Variants in SPTBN4 observed in about 807,000 individuals in gnomAD.
SPTBN4 encodes spectrin beta chain, non-erythrocytic 4.
A neutral mutation model predicts 277.8 loss-of-function variants in SPTBN4; 96 were observed. That is an observed-to-expected ratio of 0.35 (90% CI 0.29 to 0.41). The LOEUF (loss-of-function observed/expected upper bound fraction) is 0.41, where lower values mean the gene tolerates loss of function less well. Among genes scored for constraint, SPTBN4 ranks in the 10% least tolerant of loss-of-function variants. The pLI, the probability that SPTBN4 is intolerant of heterozygous loss-of-function variation, is 1.00. For missense variants in SPTBN4, 3,006 were observed against 3,595.7 expected (o/e 0.84, Z 4.19); for synonymous variants, 1,481 against 1,580.3 (o/e 0.94, Z 1.49).
intron 1 of SPTBN4, among the ~76,000 whole-genome samples, 161 bp downstream of exon 1, chr19:40,467,466 G>A (rs1044363981): frequency 3.3e-5 from 5 of 152,154 alleles, no homozygotes; most frequent in African/African-American, 1.2e-4. Flanking sequence ...CCCCCACCCG[G>A]TCTAGCTTCC....
At chr19:40,513,880 C>T (rs923695250) in intron 14 of SPTBN4, among the ~76,000 whole-genome samples, 1 of 152,180 alleles carries the variant, frequency 6.6e-6, no homozygotes, top group African/African-American at 2.4e-5. Context: ...GGCTTACATT[C>T]GCCAAGCATG....
In SPTBN4 at chr19:40,565,652, C is replaced by T; in HGVS notation, c.6055-9C>T. 2 of 1,556,846 alleles carry T rather than the reference C, an allele frequency of 1.3e-6. No homozygotes were observed. The highest frequency in any genetic ancestry group is 1.7e-6 in the Non-Finnish European group (2 of 1,149,674). On this transcript the variant is annotated splice_polypyrimidine_tract_variant and intron_variant, in intron 28 of 35. Coordinates refer to ENST00000598249, the MANE Select transcript of SPTBN4 (RefSeq NM_020971.3). The stretch of plus-strand genomic sequence containing the variant: ...CCTGACTTCCCTCCCACCCACCTGC[C>T]ACTCCCAGATCCAGGCACAGCTGGA...
chr19:40,536,124 C>A (rs534317719), intron 20 of SPTBN4, among the ~76,000 whole-genome samples: 2 of 152,248 alleles, frequency 1.3e-5, no homozygotes, highest in East Asian at 3.9e-4. Context: ...ACAAACAGAT[C>A]TGAATGTGAT....
chr19:40,479,096 T>G (rs12462773), intron 2 of SPTBN4, among the ~76,000 whole-genome samples: 44,600 of 151,832 alleles, frequency 0.29, 6,930 homozygotes, highest in African/African-American at 0.38. Context: ...CTCTCATGGT[T>G]TTTCTCCCGC....
intron 2 of SPTBN4, among the ~76,000 whole-genome samples, chr19:40,482,290 G>C (rs990598947): frequency 2.0e-5 from 3 of 150,942 alleles, no homozygotes; most frequent in African/African-American, 7.3e-5. Flanking sequence ...AGGCTGGTGT[G>C]GAACTCCTGG....
At chr19:40,504,262 C>A in intron 12 of SPTBN4, 130 bp downstream of exon 12, 1 of 965,870 alleles carries the variant, frequency 1.0e-6, no homozygotes, top group South Asian at 1.8e-5. Context: ...GAGAGAAAGC[C>A]AGGGAGACAA....
In SPTBN4 at chr19:40,513,454, G is replaced by T; in HGVS notation, c.2665G>T (p.Glu889Ter). 1 of 1,603,930 alleles carries T rather than the reference G, an allele frequency of 6.2e-7. No homozygotes were observed. Residue 889 changes from glutamate to a stop codon, truncating the protein, a stop_gained, in exon 14 of 36, where the codon GAG becomes TAG. Coordinates refer to ENST00000598249, the MANE Select transcript of SPTBN4 (RefSeq NM_020971.3). LOFTEE classifies it high-confidence loss of function. ...DALAVYRMFG[E>*]VHACELWIGE... ...GCTCGCTGTCTACCGCATGTTTGGC[G>T]AGGTGCACGCGTGTGAGCTGTGGAT...
intron 6 of SPTBN4, among the ~76,000 whole-genome samples, chr19:40,497,068 A>G (rs1484629384): frequency 5.4e-5 from 7 of 128,532 alleles, no homozygotes; most frequent in Non-Finnish European, 9.6e-5. Flanking sequence ...GCGAGACTCC[A>G]TCTCAAAAAA....
chr19:40,487,495 G>A (rs1247082532), intron 2 of SPTBN4, among the ~76,000 whole-genome samples: 1 of 151,332 alleles, frequency 6.6e-6, no homozygotes, highest in Non-Finnish European at 1.5e-5. Context: ...ATGGGCGCCC[G>A]CCACCATGTC....
At chr19:40,475,455 C>CTTTATTTA (rs34506779) in intron 2 of SPTBN4, among the ~76,000 whole-genome samples, 22 of 150,822 alleles carry the variant, frequency 1.5e-4, no homozygotes, top group Non-Finnish European at 2.7e-4. Context: ...ATTTTTGGAA[C>CTTTATTTA]TTTATTTATT....
Position 40,515,407 on chromosome 19 carries a change from T to A in SPTBN4, c.2862T>A (p.Ser954Arg). ...VQELVEGGHP[S>R]SDEVRSCQDH... ...AGCTGGTGGAAGGAGGCCACCCCAGTTCAGATGAGGTGCGTTCCTGCCAGG... is the reference window on the plus strand; with the variant it reads ...AGCTGGTGGAAGGAGGCCACCCCAGATCAGATGAGGTGCGTTCCTGCCAGG... The change falls in exon 15 of 36, where the codon AGT becomes AGA. Residue 954 changes from serine to arginine, a missense_variant. By Grantham distance (110) the Ser-to-Arg change is moderately radical. This residue lies in a region of SPTBN4 where 1,759 missense variants were observed against 2,061.5 expected (regional missense o/e 0.85). Transcript: ENST00000598249. The surrounding 1 kb of genome is among the most constrained non-coding windows in gnomAD (Gnocchi z 4.1). The A allele has an allele frequency of 6.3e-7, 1 of 1,589,966 alleles. No homozygotes were observed. Among genetic ancestry groups the A allele is most frequent in the Non-Finnish European group, 8.6e-7 (1 of 1,168,036 alleles).
At chr19:40,530,470 A>AG (rs1467881389) in intron 18 of SPTBN4, 1 of 969,862 alleles carries the variant, frequency 1.0e-6, no homozygotes, top group Non-Finnish European at 1.2e-6. Context: ...GGGGCGAGGG[A>AG]GGGGGCGCGC....
rs2081032786 is a variant in SPTBN4, at chr19:40,560,571, T to C, written c.5915+168T>C. 8.7e-6 allele frequency: 13 copies of C among 1,489,372 alleles called. No homozygotes were observed. The highest frequency in any genetic ancestry group is 1.1e-5 in the Non-Finnish European group (12 of 1,124,290). The allele number at this position is 1,489,372 out of a possible 1,614,324, so 92.3% of individuals were successfully genotyped here. A position where few individuals can be genotyped will look rare whatever the true frequency, so the allele number is the denominator to read the frequency against. On this transcript the variant is annotated intron_variant, in intron 27 of 35. Transcript: ENST00000598249. The surrounding 1 kb of genome is among the most constrained non-coding windows in gnomAD (Gnocchi z 5.2). ...GGTGCTTCGTGTGTATTCAGACCCC[T>C]TTTTTAGGCCTGTCATTGGGGACTT...
intron 24 of SPTBN4, among the ~76,000 whole-genome samples, 196 bp from the exon 25 acceptor site, chr19:40,555,888 G>A (rs538209245): frequency 1.2e-3 from 176 of 151,596 alleles, no homozygotes; most frequent in South Asian, 5.4e-3. Context: ...CTGCACTCCA[G>A]CCTGAGCAAC....
At chr19:40,532,519 C>T in intron 18 of SPTBN4, 106 bp from the exon 19 acceptor site, 1 of 1,417,880 alleles carries the variant, frequency 7.1e-7, no homozygotes, top group East Asian at 2.4e-5. Context: ...TCCTTCCACC[C>T]ATACACCCTA....
intron 26 of SPTBN4, 103 bp downstream of exon 26, chr19:40,557,506 G>A: frequency 1.4e-6 from 2 of 1,388,282 alleles, no homozygotes; most frequent in Non-Finnish European, 1.9e-6. Flanking sequence ...ATTAGGCAGT[G>A]GCACAGACAG....
intron 2 of SPTBN4, among the ~76,000 whole-genome samples, chr19:40,475,306 C>T (rs1355848521): frequency 1.3e-5 from 2 of 152,026 alleles, no homozygotes; most frequent in African/African-American, 2.4e-5. Context: ...CTTAGAAACA[C>T]GGAGCGCTAG....
In SPTBN4 at chr19:40,513,043, C is replaced by G. The variant is rs1425994916; in HGVS notation, c.2254C>G (p.Arg752Gly). ...VGLAERAASA[R>G]RRWQRLEEAA... The stretch of plus-strand genomic sequence containing the variant: ...CCTGGCGGAGCGCGCGGCGAGCGCC[C>G]GGCGCCGCTGGCAGAGGCTGGAAGA... The change falls in exon 14 of 36, where the codon CGG (arginine) becomes GGG (glycine). Residue 752 changes from arginine (R) to glycine (G), a missense_variant. Transcript: ENST00000598249. 2.8e-6 allele frequency: 4 copies of G among 1,420,374 alleles called. No individual in the cohort carries two copies. The highest frequency in any genetic ancestry group is 3.7e-6 in the Non-Finnish European group (4 of 1,094,310). 88.0% of individuals were successfully genotyped at this position (1,420,374 alleles called of 1,614,324 possible). A position where few individuals can be genotyped will look rare whatever the true frequency, so the allele number is the denominator to read the frequency against.
chr19:40,508,602 C>T (rs774460584), intron 13 of SPTBN4, among the ~76,000 whole-genome samples: 23 of 152,172 alleles, frequency 1.5e-4, no homozygotes, highest in Non-Finnish European at 2.9e-4. Flanking sequence ...GCAGGAGAAT[C>T]GCTTGAATCT....
Sources: allele counts gnomAD v4.1 joint callset (sites outside exome capture counted in the v4.1 genomes callset), GRCh38; gene constraint gnomAD v4.1.1; regional missense constraint gnomAD v4.1.1; non-coding constraint Gnocchi (gnomAD v3.1); transcripts MANE v1.5; gene names NCBI Gene and HGNC (gene_info 2026-07-23, HGNC 2026-07-21).